Variants in TAB2 observed in about 807,000 individuals in gnomAD.
TAB2 encodes TGF-beta activated kinase 1 (MAP3K7) binding protein 2.
In TAB2, 3 loss-of-function variants were observed where a neutral mutation model predicts 65.0. That is an observed-to-expected ratio of 0.05 (90% confidence interval 0.02 to 0.12). The LOEUF (loss-of-function observed/expected upper bound fraction) is 0.12. TAB2 is among the 10% of genes least tolerant of loss of function. The pLI is 1.00. For missense variants in TAB2, 623 were observed against 840.3 expected (o/e 0.74, Z 3.20); for synonymous variants, 298 against 285.1 (o/e 1.05, Z -0.46).
chr6:149,357,419 G>GAAAAAA (rs1490716055), intron 1 of TAB2, among the ~76,000 whole-genome samples: 4 of 91,884 alleles, frequency 4.4e-5, no homozygotes, highest in African/African-American at 2.1e-4. Flanking sequence ...CCGTCTCAAG[G>GAAAAAA]AGAAAAAAAA....
intron 1 of TAB2, chr6:149,257,634 A>G (rs6933113): frequency 1.3e-3 from 197 of 152,250 alleles, no homozygotes; most frequent in African/African-American, 4.6e-3. Flanking sequence ...TATGCCAATA[A>G]TAATGTCAGT....
intron 1 of TAB2, among the ~76,000 whole-genome samples, chr6:149,368,003 A>C (rs1249399499): frequency 6.6e-6 from 1 of 152,180 alleles, no homozygotes; most frequent in East Asian, 1.9e-4. Flanking sequence ...GCCAAGCACC[A>C]GTATATAGAT....
intron 1 of TAB2, among the ~76,000 whole-genome samples, chr6:149,345,908 A>G (rs777166648): frequency 2.0e-5 from 3 of 152,128 alleles, no homozygotes; most frequent in Admixed American, 1.3e-4. Context: ...TTTGGACATC[A>G]TATTCCACTA....
intron 1 of TAB2, among the ~76,000 whole-genome samples, chr6:149,297,215 G>A (rs886251973): frequency 1.2e-4 from 18 of 151,894 alleles, no homozygotes; most frequent in African/African-American, 3.4e-4. Context: ...AAACAAGGCC[G>A]TTCTTCTACA....
chr6:149,396,044 GTC>G (rs1339282560), intron 3 of TAB2, among the ~76,000 whole-genome samples: 11 of 152,012 alleles, frequency 7.2e-5, no homozygotes, highest in Admixed American at 7.2e-4. Flanking sequence ...CCGAGTTGGA[GTC>G]TCACTCTGTC....
upstream of TAB2, among the ~76,000 whole-genome samples, chr6:149,315,401 T>G (rs894630242): frequency 2.0e-5 from 3 of 152,244 alleles, no homozygotes; most frequent in Non-Finnish European, 2.9e-5. Context: ...TGTATATGTA[T>G]GTATTTTATT....
chr6:149,288,854 ATTTTTTTTT>A (rs71007938), intron 1 of TAB2, among the ~76,000 whole-genome samples: 1 of 115,370 alleles, frequency 8.7e-6, no homozygotes, highest in African/African-American at 3.6e-5. Flanking sequence ...TTAATTTTTA[ATTTTTTTTT>A]TTTTTTTTTT....
intron 1 of TAB2, among the ~76,000 whole-genome samples, chr6:149,368,755 A>G (rs1286525325): frequency 2.0e-5 from 3 of 152,062 alleles, no homozygotes; most frequent in Non-Finnish European, 4.4e-5. Flanking sequence ...CATGAGATGT[A>G]ACTAAGCTAA....
chr6:149,403,247 A>ATATATATATATATAT (rs1446132000), intron 6 of TAB2, among the ~76,000 whole-genome samples: 3 of 44,034 alleles, frequency 6.8e-5, no homozygotes, highest in African/African-American at 2.5e-4. Context: ...AAAAAAAAAA[A>ATATATATATATATAT]ATATATATAT....
chr6:149,252,384 G>A (rs1465894409), intron 1 of TAB2, among the ~76,000 whole-genome samples: 3 of 136,150 alleles, frequency 2.2e-5, no homozygotes, highest in Non-Finnish European at 1.5e-5. Context: ...TGGGCAACAA[G>A]AGCAAAACTC....
intron 1 of TAB2, among the ~76,000 whole-genome samples, chr6:149,357,433 AC>A (rs1451294981): frequency 1.4e-4 from 19 of 138,716 alleles, no homozygotes; most frequent in African/African-American, 4.8e-4. Flanking sequence ...AAAAAAAAAC[AC>A]ACACACACAC....
At chr6:149,337,608 C>T (rs1309670616) in intron 1 of TAB2, among the ~76,000 whole-genome samples, 2 of 152,146 alleles carry the variant, frequency 1.3e-5, no homozygotes, top group Admixed American at 1.3e-4. Flanking sequence ...CTTCTTAGCT[C>T]ACAATTGTAG....
intron 2 of TAB2, among the ~76,000 whole-genome samples, chr6:149,375,319 G>A (rs556803443): frequency 1.4e-4 from 22 of 152,056 alleles, no homozygotes; most frequent in African/African-American, 4.6e-4. Flanking sequence ...ATTTCCTTTT[G>A]TCCTAATGTA....
At chr6:149,324,393 A>T (rs1016863054) in intron 1 of TAB2, among the ~76,000 whole-genome samples, 1 of 152,206 alleles carries the variant, frequency 6.6e-6, no homozygotes, top group African/African-American at 2.4e-5. Context: ...TGAATCATTA[A>T]ATAATATTAT....
At chr6:149,236,000 G>A (rs1393204266) in intron 1 of TAB2, among the ~76,000 whole-genome samples, 1 of 152,142 alleles carries the variant, frequency 6.6e-6, no homozygotes, top group African/African-American at 2.4e-5. Context: ...CCCAAAAAGT[G>A]AAAAATGACC....
chr6:149,331,994 T>G (rs1359431322), intron 1 of TAB2, among the ~76,000 whole-genome samples: 1 of 152,174 alleles, frequency 6.6e-6, no homozygotes, highest in African/African-American at 2.4e-5. Flanking sequence ...TTTGGATATG[T>G]TTCAAACTCT....
At chr6:149,258,982 C>A (rs1348900578) in intron 1 of TAB2, among the ~76,000 whole-genome samples, 3 of 152,122 alleles carry the variant, frequency 2.0e-5, no homozygotes, top group African/African-American at 7.2e-5. Flanking sequence ...GGGCCACAAA[C>A]CAAAGAATGA....
intron 1 of TAB2, among the ~76,000 whole-genome samples, chr6:149,226,872 G>A (rs1777290924): frequency 2.0e-5 from 3 of 152,180 alleles, no homozygotes; most frequent in South Asian, 4.1e-4. Flanking sequence ...TTTATAAAAT[G>A]TACAAATCAA....
At chr6:149,372,946 G>A (rs1781279861) in intron 2 of TAB2, among the ~76,000 whole-genome samples, 1 of 152,122 alleles carries the variant, frequency 6.6e-6, no homozygotes, top group Non-Finnish European at 1.5e-5. Context: ...TACTGGTTCA[G>A]AACTTTTTAA....
Sources: gnomAD v4.1 joint callset for allele counts (sites outside exome capture counted in the v4.1 genomes callset) on GRCh38, gnomAD v4.1.1 for gene constraint, MANE v1.5 for transcripts, NCBI Gene and HGNC (gene_info 2026-07-23, HGNC 2026-07-21) for gene names.